Variants in CCDC88C observed in about 807,000 individuals in gnomAD.
CCDC88C encodes protein Daple.
A neutral mutation model predicts 198.8 loss-of-function variants in CCDC88C; 131 were observed. That is an observed-to-expected ratio of 0.66 (90% confidence interval 0.57 to 0.76). CCDC88C has a LOEUF of 0.76. Ranked by LOEUF, CCDC88C falls within the 30% of genes least tolerant of loss-of-function variation. CCDC88C has a pLI of 0.00. For missense variants in CCDC88C, 2,553 were observed against 2,631.6 expected (o/e 0.97, Z 0.65); for synonymous variants, 1,166 against 1,114.7 (o/e 1.05, Z -0.92).
At chr14:91,283,128 C>A (rs921073134) in intron 26 of CCDC88C, among the ~76,000 whole-genome samples, 1 of 152,198 alleles carries the variant, frequency 6.6e-6, no homozygotes, top group African/African-American at 2.4e-5. Flanking sequence ...AGTTGGGCCT[C>A]TGAAGGGCTT....
intron 3 of CCDC88C, among the ~76,000 whole-genome samples, chr14:91,391,227 A>G (rs1271602465): frequency 6.6e-6 from 1 of 151,766 alleles, no homozygotes; most frequent in Non-Finnish European, 1.5e-5. Flanking sequence ...TCACAGTACA[A>G]ACTCTCTTCC....
At chr14:91,364,356 G>C (rs1382694451) in intron 3 of CCDC88C, among the ~76,000 whole-genome samples, 1 of 152,202 alleles carries the variant, frequency 6.6e-6, no homozygotes, top group Non-Finnish European at 1.5e-5. Context: ...TTTCATAAAT[G>C]ACTTGCTTTT....
chr14:91,308,209 T>A, intron 17 of CCDC88C, 142 bp downstream of exon 17: 1 of 928,432 alleles, frequency 1.1e-6, no homozygotes, highest in Non-Finnish European at 1.6e-6. Context: ...TGAGGGTGGC[T>A]CCCTCAGTCA....
intron 29 of CCDC88C, among the ~76,000 whole-genome samples, chr14:91,274,090 A>G (rs1596009709): frequency 1.1e-5 from 1 of 93,806 alleles, no homozygotes; most frequent in South Asian, 3.3e-4. Flanking sequence ...TAAGGACTTC[A>G]CCTTGCGCCA....
At chr14:91,283,873 C>T (rs1053368486) in intron 25 of CCDC88C, among the ~76,000 whole-genome samples, 10 of 152,318 alleles carry the variant, frequency 6.6e-5, no homozygotes, top group East Asian at 1.9e-4. Flanking sequence ...TAACACTGTC[C>T]GGAACTCCAA....
intron 1 of CCDC88C, 100 bp from the exon 2 acceptor site, chr14:91,416,938 C>T: frequency 1.2e-6 from 1 of 805,804 alleles, no homozygotes; most frequent in Non-Finnish European, 2.1e-6. Context: ...TCAGTGTGAG[C>T]AGAAGGGGGT....
intron 3 of CCDC88C, among the ~76,000 whole-genome samples, chr14:91,396,022 C>T (rs12434892): frequency 6.6e-6 from 1 of 152,322 alleles, no homozygotes; most frequent in South Asian, 2.1e-4. Context: ...CTCCTTCCCT[C>T]GACATTCCTC....
intron 17 of CCDC88C, 53 bp from the exon 18 acceptor site, chr14:91,307,279 G>A (rs1891600148): frequency 6.4e-7 from 1 of 1,568,778 alleles, no homozygotes; most frequent in South Asian, 1.1e-5. Context: ...GCCTGGCCTG[G>A]AGCCCCGAGT....
At chr14:91,342,124 G>A in intron 6 of CCDC88C, 4 of 388,344 alleles carry the variant, frequency 1.0e-5, no homozygotes, top group East Asian at 4.5e-5. Flanking sequence ...CAAAAAGAAG[G>A]AGACAAAAGA....
chr14:91,407,087 C>A lies in CCDC88C; in HGVS notation c.270+1572G>T, dbSNP rs1886531923. On this transcript the variant is annotated intron_variant, in intron 3 of 29. Transcript: ENST00000389857. Reference sequence around the variant, plus strand: ...CCACACAGGCAAACTACGCCAGCCCCCCCCACCCAACAGGAGGAGGACGGA... The same window carrying A: ...CCACACAGGCAAACTACGCCAGCCCACCCCACCCAACAGGAGGAGGACGGA... 2.6e-5 allele frequency among the ~76,000 whole-genome samples: 4 copies of A among 152,288 alleles called. No individual in the cohort carries two copies. The South Asian group carries it at 8.3e-4, about 32-fold the overall frequency.
intron 3 of CCDC88C, among the ~76,000 whole-genome samples, chr14:91,372,313 G>T (rs529755926): frequency 2.6e-5 from 4 of 151,942 alleles, no homozygotes; most frequent in African/African-American, 9.7e-5. Context: ...TTGCTATAGG[G>T]CCAGGCCCTG....
chr14:91,298,846 T>C (rs980307302), intron 21 of CCDC88C, among the ~76,000 whole-genome samples: 3 of 152,234 alleles, frequency 2.0e-5, no homozygotes, highest in Non-Finnish European at 4.4e-5. Context: ...AAGAATTTCG[T>C]ATGGTCAAGC....
chr14:91,382,003 G>C (rs1884823486), intron 3 of CCDC88C, among the ~76,000 whole-genome samples: 1 of 152,058 alleles, frequency 6.6e-6, no homozygotes, highest in South Asian at 2.1e-4. Context: ...TCCTCTACTA[G>C]GATAGGTTCT....
At chr14:91,366,399 T>C (rs1894540363) in intron 3 of CCDC88C, among the ~76,000 whole-genome samples, 2 of 152,056 alleles carry the variant, frequency 1.3e-5, no homozygotes, top group South Asian at 2.1e-4. Flanking sequence ...GGCAGGAGAA[T>C]TGCTTGAACC....
At position 91,416,817 on chromosome 14, in the gene CCDC88C, C is replaced by G. The variant is rs1887084324; in HGVS notation, c.82G>C (p.Gly28Arg). 4 of 1,613,332 alleles carry G rather than the reference C, an allele frequency of 2.5e-6. No homozygotes were observed. Among genetic ancestry groups the G allele is most frequent in the Middle Eastern group, 1.7e-4 (1 of 6,060 alleles). Residue 28 changes from glycine (G) to arginine (R), a missense_variant, in exon 2 of 30, where the codon GGA becomes CGA. By Grantham distance (125) the Gly-to-Arg change is moderately radical. Coordinates refer to ENST00000389857, the MANE Select transcript of CCDC88C (RefSeq NM_001080414.4). ...VTWVKTFGPFGSGSQDNLTMY... is the reference protein window; with the variant it reads ...VTWVKTFGPFRSGSQDNLTMY... Reference sequence around the variant, plus strand: ...GTCAGGTTGTCCTGGCTGCCGCTTCCAAACGGGCCAAAAGTTTTCACCTGC... The same window carrying G: ...GTCAGGTTGTCCTGGCTGCCGCTTCGAAACGGGCCAAAAGTTTTCACCTGC...
intron 3 of CCDC88C, among the ~76,000 whole-genome samples, chr14:91,396,333 T>A (rs1284057561): frequency 6.6e-6 from 1 of 152,214 alleles, no homozygotes; most frequent in Non-Finnish European, 1.5e-5. Flanking sequence ...CTCTGTTTTT[T>A]CTTTTTAACG....
chr14:91,315,786 A>C lies in CCDC88C; in HGVS notation c.1529T>G (p.Ile510Ser), dbSNP rs1041591351. The C allele has an allele frequency of 6.2e-7, 1 of 1,611,630 alleles. No homozygotes were observed. Among genetic ancestry groups the C allele is most frequent in the African/African-American group, 1.3e-5 (1 of 74,868 alleles). ...CTCCAGCTGGGTTTGTAACTTTTCAATCTGCAGAACCAAAAGACCCAGCCC... is the reference window on the plus strand; with the variant it reads ...CTCCAGCTGGGTTTGTAACTTTTCACTCTGCAGAACCAAAAGACCCAGCCC... ...EKENHQLSKK[I>S]EKLQTQLERE... Residue 510 changes from isoleucine to serine, a missense_variant and splice_region_variant, in exon 14 of 30, where the codon ATT becomes AGT. Transcript: ENST00000389857.
intron 1 of CCDC88C, chr14:91,417,079 C>T (rs141068596): frequency 0.015 from 10,709 of 702,696 alleles, 168 homozygotes; most frequent in South Asian, 0.051. Context: ...CTCCCGCGTT[C>T]CAGAGCGGAA....
intron 1 of CCDC88C, 79 bp downstream of exon 1, chr14:91,417,552 T>A (rs1442059192): frequency 2.2e-6 from 3 of 1,372,450 alleles, no homozygotes; most frequent in Non-Finnish European, 3.0e-6. Context: ...CCCGGCCGTG[T>A]CGGGTCTGCG....
Sources: gnomAD v4.1 joint callset for allele counts (sites outside exome capture counted in the v4.1 genomes callset) on GRCh38, gnomAD v4.1.1 for gene constraint, MANE v1.5 for transcripts, NCBI Gene and HGNC (gene_info 2026-07-23, HGNC 2026-07-21) for gene names.